ADAM20: variants seen among roughly 807,000 people sequenced by gnomAD.
ADAM20 encodes the protein disintegrin and metalloproteinase domain-containing protein 20.
For missense variants in ADAM20, 871 were observed against 883.2 expected, an observed-to-expected ratio of 0.99 and a Z score of 0.18; for synonymous variants, 305 against 310.2, an observed-to-expected ratio of 0.98 and a Z score of 0.18.
Position 70,523,374 on chromosome 14 carries a change from C to G in ADAM20, c.1384G>C (p.Gly462Arg), listed in dbSNP as rs760388763. ...CCKDCKFLPS[G>R]TLCRQQVGEC... ...CCAACTTGTTGTCTACATAAAGTTC[C>G]TGATGGCAGAAATTTGCAGTCTTTG... Residue 462 changes from glycine (G) to arginine (R), a missense_variant, in exon 2 of 2, where the codon GGA (glycine) becomes CGA (arginine). Transcript: ENST00000256389. 6.2e-7 allele frequency: 1 copy of G among 1,614,052 alleles called. No homozygotes were observed. Among genetic ancestry groups the G allele is most frequent in the Non-Finnish European group, 8.5e-7 (1 of 1,179,986 alleles).
At chr14:70,555,999 G>T in the ADAM20 span, among the ~76,000 whole-genome samples, 1 of 152,178 alleles carries the variant, frequency 6.6e-6, no homozygotes, top group Admixed American at 6.5e-5. Context: ...ACGAGGCAGG[G>T]CTCCCTCCTC....
chr14:70,533,949 G>A (rs181886664), intron 1 of ADAM20, among the ~76,000 whole-genome samples: 32 of 151,548 alleles, frequency 2.1e-4, no homozygotes, highest in African/African-American at 7.0e-4. Flanking sequence ...CAGGCATGGT[G>A]GTGGGCACCT....
At chr14:70,532,711 C>T (rs958743002) in intron 1 of ADAM20, among the ~76,000 whole-genome samples, 3 of 152,066 alleles carry the variant, frequency 2.0e-5, no homozygotes, top group Non-Finnish European at 2.9e-5. Context: ...GGCCCAAGGC[C>T]CTAAATTCAC....
chr14:70,523,217 T>C lies in ADAM20; in HGVS notation c.1541A>G (p.Gln514Arg). ...YEKTCNNHDI[Q>R]CKEIFGQDAR... ...ATCTTGGCCAAAAATCTCTTTACATTGTATATCATGGTTATTACACGTCTT... is the reference window on the plus strand; with the variant it reads ...ATCTTGGCCAAAAATCTCTTTACATCGTATATCATGGTTATTACACGTCTT... The change falls in exon 2 of 2, where the codon CAA (glutamine) becomes CGA (arginine). Residue 514 changes from glutamine (Q) to arginine (R), a missense_variant. Physicochemically the swap from Gln to Arg is conservative, Grantham distance 43. Transcript: ENST00000256389. 1.2e-6 allele frequency: 2 copies of C among 1,614,048 alleles called. No homozygotes were observed. The highest frequency in any genetic ancestry group is 1.7e-6 in the Non-Finnish European group (2 of 1,179,942).
rs746577934 is a variant in ADAM20 at position 70,524,573 on chromosome 14, G to T, written c.185C>A (p.Ser62Tyr). 6.2e-7 allele frequency: 1 copy of T among 1,613,970 alleles called. No homozygotes were observed. The highest frequency in any genetic ancestry group is 2.2e-5 in the East Asian group (1 of 44,876). ...GRGAKAPGWL[S>Y]YSLRFGGQRY... Reference sequence around the variant, plus strand: ...CTGTCCCCCAAACCGCAGGCTATAGGAGAGCCATCCAGGAGCCTTTGCACC... The same window carrying T: ...CTGTCCCCCAAACCGCAGGCTATAGTAGAGCCATCCAGGAGCCTTTGCACC... The change falls in exon 2 of 2, where the codon TCC becomes TAC. Residue 62 changes from serine (S) to tyrosine (Y), a missense_variant. Transcript: ENST00000256389.
chr14:70,536,230 T>C (rs1379438594), upstream of ADAM20, among the ~76,000 whole-genome samples: 3 of 151,570 alleles, frequency 2.0e-5, no homozygotes, highest in Admixed American at 6.6e-5. Flanking sequence ...CTTTGAGAGG[T>C]TGAGGCAGGT....
chr14:70,554,789 T>C, the ADAM20 span, among the ~76,000 whole-genome samples: 1 of 152,120 alleles, frequency 6.6e-6, no homozygotes, highest in Non-Finnish European at 1.5e-5. Flanking sequence ...GTACAAAGTT[T>C]TGTTAAGAGT....
upstream of ADAM20, among the ~76,000 whole-genome samples, chr14:70,539,098 G>A (rs1883894702): frequency 6.6e-6 from 1 of 150,894 alleles, no homozygotes. Flanking sequence ...TGCATGATGT[G>A]CTTCCCCCCA....
intron 1 of ADAM20, among the ~76,000 whole-genome samples, chr14:70,525,367 G>A (rs1883567432): frequency 6.6e-6 from 1 of 151,944 alleles, no homozygotes; most frequent in Non-Finnish European, 1.5e-5. Context: ...CATTGCAACA[G>A]CCAGCTAATT....
At chr14:70,553,380 C>T in the ADAM20 span, among the ~76,000 whole-genome samples, 9 of 136,376 alleles carry the variant, frequency 6.6e-5, no homozygotes, top group Admixed American at 6.5e-4. Flanking sequence ...ACCAATCCTG[C>T]TCAAATAGTT....
intron 1 of ADAM20, among the ~76,000 whole-genome samples, chr14:70,525,880 T>C (rs1245731810): frequency 6.6e-6 from 1 of 152,086 alleles, no homozygotes; most frequent in African/African-American, 2.4e-5. Context: ...GAGGCAGCTG[T>C]TTTGGGACAG....
In ADAM20 at chr14:70,530,126, C is replaced by G. The variant is rs1883679999; in HGVS notation, c.-177+4671G>C. ...TGAAATCCTATCTCTACTAAAAATA[C>G]AAAAATTTTTATATCCCTATTCTAT... On this transcript the variant is annotated intron_variant, in intron 1 of 1. Transcript: ENST00000256389. 2.0e-5 allele frequency among the ~76,000 whole-genome samples: 3 copies of G among 152,224 alleles called. No homozygotes were observed. In the South Asian group the frequency reaches 6.2e-4, roughly 32 times the overall value.
chr14:70,561,572 A>C, the ADAM20 span, among the ~76,000 whole-genome samples: 1 of 152,388 alleles, frequency 6.6e-6, no homozygotes, highest in Non-Finnish European at 1.5e-5. Context: ...CCTCCCTGGC[A>C]GTCACTCTCA....
the ADAM20 span, among the ~76,000 whole-genome samples, chr14:70,560,266 T>C: frequency 6.6e-6 from 1 of 152,110 alleles, no homozygotes; most frequent in Non-Finnish European, 1.5e-5. Context: ...CATGAAACTA[T>C]CACTATTTAT....
At chr14:70,558,453 T>C in the ADAM20 span, among the ~76,000 whole-genome samples, 3 of 152,264 alleles carry the variant, frequency 2.0e-5, no homozygotes, top group South Asian at 4.1e-4. Context: ...TTCAAACATA[T>C]GTATCTGTGT....
At chr14:70,567,305 G>A in the ADAM20 span, among the ~76,000 whole-genome samples, 1 of 152,180 alleles carries the variant, frequency 6.6e-6, no homozygotes, top group Admixed American at 6.5e-5. Context: ...GCTTTGGCAA[G>A]CACAGGAGAC....
At chr14:70,560,692 T>G in the ADAM20 span, among the ~76,000 whole-genome samples, 1 of 152,058 alleles carries the variant, frequency 6.6e-6, no homozygotes. Context: ...ATCTGATGGT[T>G]TAAGAGTGTG....
At position 70,523,182 on chromosome 14, in the gene ADAM20, C is replaced by A. The variant is rs150024122; in HGVS notation, c.1576G>T (p.Ala526Ser). 1.4e-4 allele frequency: 228 copies of A among 1,613,920 alleles called. No individual in the cohort carries two copies. The African/African-American group carries it at 2.8e-3, about 20-fold the overall frequency. Residue 526 changes from alanine to serine, a missense_variant, in exon 2 of 2, where the codon GCA becomes TCA. Transcript: ENST00000256389. ...KEIFGQDARS[A>S]SQSCYQEINT... ...ATTTCTTGGTAGCAACTCTGAGATG[C>A]ACTCCTTGCATCTTGGCCAAAAATC...
intron 1 of ADAM20, among the ~76,000 whole-genome samples, chr14:70,532,230 GA>G (rs925845941): frequency 3.3e-5 from 5 of 151,876 alleles, no homozygotes; most frequent in African/African-American, 1.2e-4. Context: ...CACAATGGGG[GA>G]AAAATAGTCT....
Sources: gnomAD v4.1 joint callset for allele counts (sites outside exome capture counted in the v4.1 genomes callset) on GRCh38, gnomAD v4.1.1 for gene constraint, MANE v1.5 for transcripts, NCBI Gene and HGNC (gene_info 2026-07-23, HGNC 2026-07-21) for gene names.